Variants in ITGA9 observed in about 807,000 individuals in gnomAD.
The protein encoded by ITGA9 is integrin alpha-9.
A neutral mutation model predicts 127.8 loss-of-function variants in ITGA9; 56 were observed. That is an observed-to-expected ratio of 0.44 (90% CI 0.35 to 0.55). The LOEUF (loss-of-function observed/expected upper bound fraction) is 0.55. Among genes scored for constraint, ITGA9 ranks in the 20% least tolerant of loss-of-function variants. The pLI, the probability that ITGA9 is intolerant of heterozygous loss-of-function variation, is 0.00. For synonymous variants in ITGA9, 508 were observed against 514.5 expected (o/e 0.99, Z 0.17); for missense variants, 1,196 against 1,347.1 (o/e 0.89, Z 1.76).
At chr3:37,471,157 G>A (rs1308031602) in intron 2 of ITGA9, 23 bp downstream of exon 2, 14 of 1,613,036 alleles carry the variant, frequency 8.7e-6, no homozygotes, top group South Asian at 1.1e-5. Flanking sequence ...TACTGCTGTG[G>A]TGGAAATGGG....
At chr3:37,630,968 C>T (rs573995095) in intron 16 of ITGA9, among the ~76,000 whole-genome samples, 27 of 152,282 alleles carry the variant, frequency 1.8e-4, no homozygotes, top group South Asian at 4.1e-4. Flanking sequence ...TGGCTTCTGC[C>T]TTGACTGGGA....
At chr3:37,811,504 C>T (rs936311297) in intron 27 of ITGA9, among the ~76,000 whole-genome samples, 3 of 152,064 alleles carry the variant, frequency 2.0e-5, no homozygotes, top group Non-Finnish European at 2.9e-5. Context: ...TGAAGAAAGA[C>T]ACCCCCCTTC....
intron 23 of ITGA9, among the ~76,000 whole-genome samples, chr3:37,766,830 T>A (rs1212151004): frequency 3.3e-5 from 5 of 151,904 alleles, no homozygotes; most frequent in African/African-American, 9.7e-5. Flanking sequence ...GATAACATAT[T>A]TATGTATCGC....
chr3:37,618,768 G>T (rs371631512), intron 15 of ITGA9, among the ~76,000 whole-genome samples: 15 of 152,220 alleles, frequency 9.9e-5, no homozygotes, highest in African/African-American at 3.6e-4. Flanking sequence ...AGCTAGGCAC[G>T]GGATATAATC....
chr3:37,512,112 C>CTTTT (rs59752110), intron 8 of ITGA9, among the ~76,000 whole-genome samples: 7 of 84,510 alleles, frequency 8.3e-5, no homozygotes, highest in South Asian at 9.0e-4. Context: ...TTCCTTCCTT[C>CTTTT]CTTCCTTCTT....
At chr3:37,761,708 C>T (rs1264132721) in intron 23 of ITGA9, among the ~76,000 whole-genome samples, 1 of 152,174 alleles carries the variant, frequency 6.6e-6, no homozygotes, top group African/African-American at 2.4e-5. Context: ...GTGGGGTTCA[C>T]TGTGAAATAG....
chr3:37,626,201 A>G (rs1440022416), intron 15 of ITGA9, among the ~76,000 whole-genome samples: 1 of 152,232 alleles, frequency 6.6e-6, no homozygotes, highest in African/African-American at 2.4e-5. Context: ...TTATGTAAAC[A>G]AGTAATTTTT....
At chr3:37,457,119 T>C (rs1186878141) in intron 1 of ITGA9, among the ~76,000 whole-genome samples, 1 of 152,098 alleles carries the variant, frequency 6.6e-6, no homozygotes, top group Non-Finnish European at 1.5e-5. Flanking sequence ...CATATGTGAG[T>C]ACTAAAACCG....
At chr3:37,594,774 G>T (rs549900435) in intron 15 of ITGA9, among the ~76,000 whole-genome samples, 2 of 152,298 alleles carry the variant, frequency 1.3e-5, no homozygotes, top group Non-Finnish European at 2.9e-5. Context: ...GTGCCATATG[G>T]TGGGTGTTAA....
In ITGA9 at chr3:37,484,042, C is replaced by T. The variant is rs1698583662; in HGVS notation, c.544+2435C>T. On this transcript the variant is annotated intron_variant, in intron 4 of 27. Transcript: ENST00000264741. ...AAGCAAGAAAGGGTGACTGAACTAT[C>T]CCAAAAATACAATGGACTTAATGAT... Among the ~76,000 whole-genome samples, 2 of 152,296 alleles carry T rather than the reference C, an allele frequency of 1.3e-5. 1 individual carries two copies. Among genetic ancestry groups the T allele is most frequent in the South Asian group, 4.1e-4 (2 of 4,820 alleles).
intron 15 of ITGA9, among the ~76,000 whole-genome samples, chr3:37,611,699 T>C (rs980933475): frequency 6.6e-6 from 1 of 152,120 alleles, no homozygotes; most frequent in African/African-American, 2.4e-5. Flanking sequence ...GTTTTGACTC[T>C]CTTCATTTTG....
intron 5 of ITGA9, among the ~76,000 whole-genome samples, chr3:37,498,392 A>G (rs1209531213): frequency 6.6e-6 from 1 of 152,096 alleles, no homozygotes; most frequent in African/African-American, 2.4e-5. Context: ...AGCCGAGGAG[A>G]AAGTGTTCCC....
rs182217847 is a variant in ITGA9 at position 37,497,657 on chromosome 3, C to T, written c.612+3089C>T. On this transcript the variant is annotated intron_variant, in intron 5 of 27. Transcript: ENST00000264741. ...ATACTGGTTTGTTAAACAACTTTTCCTCTCCCCATTGAAATGCCATCCTGC... is the reference window on the plus strand; with the variant it reads ...ATACTGGTTTGTTAAACAACTTTTCTTCTCCCCATTGAAATGCCATCCTGC... Among the ~76,000 whole-genome samples the T allele has an allele frequency of 2.6e-5, 4 of 152,248 alleles. No homozygotes were observed. In the East Asian group the frequency reaches 7.7e-4, roughly 29 times the overall value.
At chr3:37,515,962 C>T (rs1698980222) in intron 9 of ITGA9, among the ~76,000 whole-genome samples, 1 of 152,062 alleles carries the variant, frequency 6.6e-6, no homozygotes, top group African/African-American at 2.4e-5. Flanking sequence ...ACCTGCATAC[C>T]CACTGACATT....
intron 18 of ITGA9, among the ~76,000 whole-genome samples, chr3:37,729,700 C>CTTTT (rs34875348): frequency 2.0e-4 from 17 of 84,112 alleles, no homozygotes; most frequent in Admixed American, 2.8e-4. Context: ...TTTTTGATTT[C>CTTTT]TTTTTTTTTT....
chr3:37,513,956 G>T (rs1698959892), intron 9 of ITGA9, 56 bp downstream of exon 9: 1 of 1,606,842 alleles, frequency 6.2e-7, no homozygotes, highest in South Asian at 1.1e-5. Context: ...CATTTGTCCA[G>T]CCAGCAGTGG....
chr3:37,608,903 C>T (rs1699993205), intron 15 of ITGA9, among the ~76,000 whole-genome samples: 1 of 151,974 alleles, frequency 6.6e-6, no homozygotes, highest in African/African-American at 2.4e-5. Flanking sequence ...ACTGATGGAC[C>T]CCAGAACTCC....
rs1697497216 is a variant in ITGA9 at position 37,820,295 on chromosome 3, G to A, written c.*1306G>A. ...GAGGTGTCCCAACCTGAATCAAGGG[G>A]CTGGCTGCACCCAGAGGAGATGTAA... On this transcript the variant is annotated 3_prime_UTR_variant, in exon 28 of 28. Transcript: ENST00000264741. The A allele has an allele frequency of 6.6e-6, 1 of 152,260 alleles. No homozygotes were observed. 9.4% of individuals were successfully genotyped at this position (152,260 alleles called of 1,614,324 possible). A position where few individuals can be genotyped will look rare whatever the true frequency, so the allele number is the denominator to read the frequency against.
At chr3:37,692,267 T>C (rs1700839398) in intron 18 of ITGA9, among the ~76,000 whole-genome samples, 1 of 152,166 alleles carries the variant, frequency 6.6e-6, no homozygotes, top group South Asian at 2.1e-4. Flanking sequence ...GATCACCTAC[T>C]TCAGACCAAG....
Sources: gnomAD v4.1 joint callset for allele counts (sites outside exome capture counted in the v4.1 genomes callset) on GRCh38, gnomAD v4.1.1 for gene constraint, MANE v1.5 for transcripts, NCBI Gene and HGNC (gene_info 2026-07-23, HGNC 2026-07-21) for gene names.